The following PRKCH variants were observed in gnomAD, a reference collection of about 807,000 sequenced individuals.
PRKCH encodes the protein protein kinase C eta type.
In PRKCH, 28 loss-of-function variants were observed where a neutral mutation model predicts 82.5. The observed-to-expected ratio is 0.34, with a 90% CI of 0.25 to 0.47. The LOEUF (loss-of-function observed/expected upper bound fraction) is 0.47, where lower values mean the gene tolerates loss of function less well. PRKCH is among the 20% of genes least tolerant of loss of function. The probability of loss-of-function intolerance (pLI) is 1.00; values close to 1 mark genes in which losing one functional copy is unlikely to be tolerated. For missense variants in PRKCH, 705 were observed against 881.8 expected, an observed-to-expected ratio of 0.80 and a Z score of 2.54; for synonymous variants, 322 against 327.4, an observed-to-expected ratio of 0.98 and a Z score of 0.18.
Position 61,280,093 on chromosome 14 carries a change from C to T in PRKCH, c.-19+92425C>T. 1 of 1,604,936 alleles carries T rather than the reference C, an allele frequency of 6.2e-7. No individual in the cohort carries two copies. The highest frequency in any genetic ancestry group is 8.5e-7 in the Non-Finnish European group (1 of 1,175,394). ...GGAGGGATCCCTGGAAAGCCGGAAT[C>T]ACTCCTCGTCGTCGTCGTCCTGGTC... is the stretch of plus-strand genomic sequence containing the variant. On this transcript the variant is annotated intron_variant, in intron 1 of 3. Transcript: ENST00000555185. The surrounding 1 kb of genome is among the most constrained non-coding windows in gnomAD (Gnocchi z 5.0).
intron 1 of PRKCH, among the ~76,000 whole-genome samples, chr14:61,203,835 C>T (rs759300197): frequency 6.6e-6 from 1 of 151,560 alleles, no homozygotes; most frequent in Non-Finnish European, 1.5e-5. Context: ...AGAGAGACCC[C>T]GTCTCAAAAT....
chr14:61,369,109 T>G (rs2046334207), intron 1 of PRKCH, among the ~76,000 whole-genome samples: 1 of 152,118 alleles, frequency 6.6e-6, no homozygotes, highest in South Asian at 2.1e-4. Context: ...ATTGGCTGAT[T>G]GTTGGAATAC....
chr14:61,209,944 A>G (rs2044556540), intron 1 of PRKCH, among the ~76,000 whole-genome samples: 1 of 151,606 alleles, frequency 6.6e-6, no homozygotes, highest in South Asian at 2.1e-4. Context: ...CAAATGTTTA[A>G]AATGCATCTT....
At chr14:61,328,563 T>C (rs923880979) in intron 1 of PRKCH, among the ~76,000 whole-genome samples, 2 of 152,174 alleles carry the variant, frequency 1.3e-5, no homozygotes, top group Admixed American at 1.3e-4. Context: ...AGTGAAGTTT[T>C]GGTATCTAGT....
chr14:61,198,291 C>G (rs1450983719), intron 1 of PRKCH, among the ~76,000 whole-genome samples: 1 of 152,222 alleles, frequency 6.6e-6, no homozygotes, highest in Non-Finnish European at 1.5e-5. Flanking sequence ...CTTCTTCAAA[C>G]TCATTCACCC....
At chr14:61,403,400 G>A (rs777370653) in intron 2 of PRKCH, among the ~76,000 whole-genome samples, 3 of 152,216 alleles carry the variant, frequency 2.0e-5, no homozygotes, top group African/African-American at 7.2e-5. Flanking sequence ...AAAAAAATAT[G>A]TACAGTTAGG....
chr14:61,280,206 G>A lies in PRKCH; in HGVS notation c.-19+92538G>A. The A allele has an allele frequency of 1.2e-6, 2 of 1,614,122 alleles. No homozygotes were observed. Among genetic ancestry groups the A allele is most frequent in the Non-Finnish European group, 1.7e-6 (2 of 1,180,004 alleles). On this transcript the variant is annotated intron_variant, in intron 1 of 3. Transcript: ENST00000555185. This position sits in a 1 kb window ranked among gnomAD's most constrained non-coding sequence, Gnocchi z 5.0. ...CCAGGTAGGCGATGCCCAGGAAGGG[G>A]TTCTTGCCACCCATCCACGAGATGC...
Position 61,450,835 on chromosome 14 carries a change from T to G in PRKCH, c.703-7T>G, listed in dbSNP as rs1228512611. 2 of 1,612,632 alleles carry G rather than the reference T, an allele frequency of 1.2e-6. No individual in the cohort carries two copies. The highest frequency in any genetic ancestry group is 1.7e-6 in the Non-Finnish European group (2 of 1,179,410). On this transcript the variant is annotated splice_region_variant and splice_polypyrimidine_tract_variant and intron_variant, in intron 5 of 13. Coordinates refer to ENST00000332981, the MANE Select transcript of PRKCH (RefSeq NM_006255.5). ...TAGCTCTTGTCCCTTTATTTCCTTT[T>G]TTACAGATTGCAGAACAGAGGTTCG...
At chr14:61,284,978 A>G (rs529001858) in intron 1 of PRKCH, among the ~76,000 whole-genome samples, 2 of 152,340 alleles carry the variant, frequency 1.3e-5, no homozygotes, top group African/African-American at 4.8e-5. Context: ...TAATGGTGCC[A>G]TAATTCATAG....
intron 1 of PRKCH, among the ~76,000 whole-genome samples, chr14:61,296,456 A>C (rs1441221539): frequency 6.6e-6 from 1 of 152,102 alleles, no homozygotes; most frequent in African/African-American, 2.4e-5. Flanking sequence ...AATTCCTTTG[A>C]CCCCAGAACT....
intron 1 of PRKCH, among the ~76,000 whole-genome samples, chr14:61,231,572 C>A (rs1377471952): frequency 6.6e-6 from 1 of 152,070 alleles, no homozygotes; most frequent in Non-Finnish European, 1.5e-5. Flanking sequence ...CAGGGTTTCA[C>A]CGTGTTAGCC....
chr14:61,231,512 G>A (rs2044743685), intron 1 of PRKCH, among the ~76,000 whole-genome samples: 1 of 151,928 alleles, frequency 6.6e-6, no homozygotes, highest in Non-Finnish European at 1.5e-5. Flanking sequence ...ATAGGCACCC[G>A]CCACCACGCC....
At chr14:61,510,732 G>A (rs931160654) in intron 10 of PRKCH, among the ~76,000 whole-genome samples, 1 of 152,078 alleles carries the variant, frequency 6.6e-6, no homozygotes, top group African/African-American at 2.4e-5. Context: ...AAGGTAAAGT[G>A]TCAAGCAGGG....
At chr14:61,338,164 A>G (rs2045882536) in intron 1 of PRKCH, among the ~76,000 whole-genome samples, 2 of 152,198 alleles carry the variant, frequency 1.3e-5, no homozygotes, top group Admixed American at 6.5e-5. Context: ...TGCCATCTGC[A>G]TGAACATTAG....
At chr14:61,352,692 AAGAAAG>A (rs978519903) in intron 1 of PRKCH, among the ~76,000 whole-genome samples, 12 of 89,170 alleles carry the variant, frequency 1.3e-4, no homozygotes, top group African/African-American at 4.3e-4. Context: ...AAGGAAAGGA[AAGAAAG>A]AAAGAAAGAA....
At chr14:61,202,320 A>C (rs1332635463) in intron 1 of PRKCH, among the ~76,000 whole-genome samples, 1 of 152,158 alleles carries the variant, frequency 6.6e-6, no homozygotes, top group East Asian at 1.9e-4. Flanking sequence ...TGGGAGTTCC[A>C]CTTCCTCTTC....
upstream of PRKCH, among the ~76,000 whole-genome samples, chr14:61,320,663 G>T (rs112818961): frequency 0.046 from 6,934 of 152,302 alleles, 212 homozygotes; most frequent in Non-Finnish European, 0.065. Context: ...AATTGGTTGT[G>T]GCTGGCCCTC....
Position 61,329,234 on chromosome 14 carries a change from C to CTTTTTTTTTTTTTTT in PRKCH, c.363+6776_363+6790dup, listed in dbSNP as rs71117812. Among the ~76,000 whole-genome samples the CTTTTTTTTTTTTTTT allele has an allele frequency of 6.6e-4, 42 of 63,468 alleles. 8 individuals carry two copies. Among genetic ancestry groups the CTTTTTTTTTTTTTTT allele is most frequent in the African/African-American group, 1.9e-3 (28 of 14,774 alleles). 41.6% of individuals were successfully genotyped at this position (63,468 alleles called of 152,430 possible). A position where few individuals can be genotyped will look rare whatever the true frequency, so the allele number is the denominator to read the frequency against. On this transcript the variant is annotated intron_variant, in intron 1 of 13. Transcript: ENST00000332981. Reference sequence around the variant, plus strand: ...ACTGCTCTTAGATAAACTCCTGAGTCTTTTTTTTTTTTTTTTTTTTGAGAC... The same window carrying CTTTTTTTTTTTTTTT: ...ACTGCTCTTAGATAAACTCCTGAGTCTTTTTTTTTTTTTTTTTTTTTTTTTTTTTTTTTTTGAGAC...
chr14:61,309,796 C>A (rs1421426725), intron 1 of PRKCH, among the ~76,000 whole-genome samples: 1 of 152,120 alleles, frequency 6.6e-6, no homozygotes, highest in East Asian at 1.9e-4. Flanking sequence ...TTAGTCCATA[C>A]TGCTATAAAG....
Sources: allele counts gnomAD v4.1 joint callset (sites outside exome capture counted in the v4.1 genomes callset), GRCh38; gene constraint gnomAD v4.1.1; non-coding constraint Gnocchi (gnomAD v3.1); transcripts MANE v1.5; gene names NCBI Gene and HGNC (gene_info 2026-07-23, HGNC 2026-07-21).